Variants in FAM110B observed in about 807,000 individuals in gnomAD.
FAM110B encodes family with sequence similarity 110 member B.
Under a neutral mutation model 20.4 loss-of-function variants are expected in FAM110B, and 6 were observed. The observed-to-expected ratio is 0.29, with a 90% confidence interval of 0.16 to 0.58. FAM110B has a LOEUF of 0.58. FAM110B is among the 20% of genes least tolerant of loss of function. The pLI, the probability that FAM110B is intolerant of heterozygous loss-of-function variation, is 0.90. For missense variants in FAM110B, 434 were observed against 498.2 expected (o/e 0.87, Z 1.23); for synonymous variants, 226 against 214.1 (o/e 1.06, Z -0.49).
At chr8:58,108,769 G>A (rs962127182) in intron 3 of FAM110B, among the ~76,000 whole-genome samples, 10 of 150,660 alleles carry the variant, frequency 6.6e-5, no homozygotes, top group African/African-American at 2.2e-4. Flanking sequence ...GGCCTGTCCC[G>A]GTCTCCCACT....
At chr8:58,111,408 G>A (rs1045716884) in intron 3 of FAM110B, among the ~76,000 whole-genome samples, 1 of 152,160 alleles carries the variant, frequency 6.6e-6, no homozygotes, top group Non-Finnish European at 1.5e-5. Flanking sequence ...GAATTGTGAA[G>A]TGGATTATAA....
intron 3 of FAM110B, among the ~76,000 whole-genome samples, chr8:58,124,852 G>A (rs1807455460): frequency 6.6e-6 from 1 of 152,180 alleles, no homozygotes; most frequent in Admixed American, 6.5e-5. Context: ...TAGATTACAT[G>A]ATAATGAGGA....
chr8:58,138,043 C>T (rs1257661080), intron 3 of FAM110B, among the ~76,000 whole-genome samples: 4 of 152,346 alleles, frequency 2.6e-5, no homozygotes, highest in South Asian at 2.1e-4. Flanking sequence ...CCTTATCAGA[C>T]GGCTCTACCA....
chr8:58,082,709 G>C (rs1175068637), intron 3 of FAM110B, among the ~76,000 whole-genome samples: 1 of 152,076 alleles, frequency 6.6e-6, no homozygotes, highest in East Asian at 1.9e-4. Flanking sequence ...TGGGCACAGT[G>C]GCTCATACCT....
chr8:58,019,182 A>G (rs906506491), intron 1 of FAM110B, among the ~76,000 whole-genome samples: 1 of 151,932 alleles, frequency 6.6e-6, no homozygotes, highest in Non-Finnish European at 1.5e-5. Flanking sequence ...TAAAAAAAAT[A>G]TAAACATTAG....
intron 1 of FAM110B, among the ~76,000 whole-genome samples, chr8:58,003,633 A>G (rs1285881543): frequency 2.0e-5 from 3 of 152,222 alleles, no homozygotes; most frequent in South Asian, 2.1e-4. Context: ...GTACATCTCT[A>G]TCAGAGCTTT....
chr8:58,128,464 C>T (rs73682159), intron 3 of FAM110B, among the ~76,000 whole-genome samples: 3,865 of 152,246 alleles, frequency 0.025, 175 homozygotes, highest in African/African-American at 0.088. Context: ...TTTTGAGTTT[C>T]CCCAGTCTAC....
At chr8:58,099,025 G>A (rs1263495743) in intron 3 of FAM110B, 1 of 152,200 alleles carries the variant, frequency 6.6e-6, no homozygotes, top group African/African-American at 2.4e-5. Context: ...GACTGTCCCT[G>A]TGCAGACAGG....
At chr8:58,011,409 C>T (rs1490696206) in intron 1 of FAM110B, among the ~76,000 whole-genome samples, 3 of 152,208 alleles carry the variant, frequency 2.0e-5, no homozygotes, top group African/African-American at 7.2e-5. Context: ...TAAACGGTTT[C>T]AGCATGCTTT....
At chr8:58,012,504 A>C (rs1410828074) in intron 1 of FAM110B, among the ~76,000 whole-genome samples, 1 of 152,100 alleles carries the variant, frequency 6.6e-6, no homozygotes, top group East Asian at 1.9e-4. Flanking sequence ...TACTTTTTTC[A>C]CATTCAAAAT....
chr8:58,114,116 G>A (rs182528468), intron 3 of FAM110B, among the ~76,000 whole-genome samples: 32 of 152,172 alleles, frequency 2.1e-4, no homozygotes, highest in Middle Eastern at 3.4e-3. Context: ...ATCACTCAAG[G>A]GCTAATATTT....
At chr8:58,112,612 C>G (rs1189469150) in intron 3 of FAM110B, among the ~76,000 whole-genome samples, 3 of 152,234 alleles carry the variant, frequency 2.0e-5, no homozygotes, top group African/African-American at 7.2e-5. Flanking sequence ...CGCCCCTGGG[C>G]TCTCCTGGGG....
At chr8:58,078,652 G>A (rs1209533850) in intron 3 of FAM110B, among the ~76,000 whole-genome samples, 2 of 145,702 alleles carry the variant, frequency 1.4e-5, no homozygotes, top group Admixed American at 1.4e-4. Context: ...CCAGGTTCAC[G>A]CCATTCTCCT....
At chr8:57,997,762 C>T (rs996575444) in intron 1 of FAM110B, among the ~76,000 whole-genome samples, 1 of 152,164 alleles carries the variant, frequency 6.6e-6, no homozygotes, top group Non-Finnish European at 1.5e-5. Flanking sequence ...CTAGTACACT[C>T]AGAAAAAGGA....
intron 1 of FAM110B, among the ~76,000 whole-genome samples, chr8:58,001,318 T>A (rs1234781936): frequency 6.6e-6 from 1 of 152,128 alleles, no homozygotes; most frequent in Non-Finnish European, 1.5e-5. Flanking sequence ...TGACTTCAAA[T>A]GAATTTTCCA....
intron 3 of FAM110B, among the ~76,000 whole-genome samples, chr8:58,081,844 A>G (rs1430995843): frequency 6.6e-6 from 1 of 152,134 alleles, no homozygotes; most frequent in Non-Finnish European, 1.5e-5. Flanking sequence ...CATTCAACAA[A>G]TTCATAATTC....
intron 1 of FAM110B, among the ~76,000 whole-genome samples, chr8:58,020,004 A>AT (rs1804718222): frequency 6.6e-6 from 1 of 151,390 alleles, no homozygotes; most frequent in African/African-American, 2.4e-5. Context: ...CTTGTACTTA[A>AT]TTTTTTTCCA....
At chr8:58,139,166 G>A (rs953339237) in intron 3 of FAM110B, among the ~76,000 whole-genome samples, 1 of 152,172 alleles carries the variant, frequency 6.6e-6, no homozygotes, top group African/African-American at 2.4e-5. Context: ...AATATGACTA[G>A]ACTACTGGAA....
intron 3 of FAM110B, among the ~76,000 whole-genome samples, chr8:58,101,277 A>C (rs1209690422): frequency 6.6e-6 from 1 of 152,204 alleles, no homozygotes; most frequent in Non-Finnish European, 1.5e-5. Context: ...GTTTGGATCA[A>C]AATATAGTAC....
Sources: gnomAD v4.1 joint callset for allele counts (sites outside exome capture counted in the v4.1 genomes callset) on GRCh38, gnomAD v4.1.1 for gene constraint, MANE v1.5 for transcripts, NCBI Gene and HGNC (gene_info 2026-07-23, HGNC 2026-07-21) for gene names.